Variants in ABCC4 observed in about 807,000 individuals in gnomAD.
The protein encoded by ABCC4 is ATP-binding cassette sub-family C member 4.
A neutral mutation model predicts 168.5 loss-of-function variants in ABCC4; 102 were observed. The ratio of observed to expected loss-of-function variants is 0.61; its 90% confidence interval spans 0.52 to 0.71. The LOEUF (loss-of-function observed/expected upper bound fraction) is 0.71, where lower values mean the gene tolerates loss of function less well. Ranked by LOEUF, ABCC4 falls within the 30% of genes least tolerant of loss-of-function variation. The pLI, the probability that ABCC4 is intolerant of heterozygous loss-of-function variation, is 0.00. For synonymous variants in ABCC4, 617 were observed against 590.7 expected (o/e 1.04, Z -0.65); for missense variants, 1,402 against 1,605.8 (o/e 0.87, Z 2.17).
At chr13:95,135,208 G>A (rs1030151377) in intron 19 of ABCC4, among the ~76,000 whole-genome samples, 4 of 152,118 alleles carry the variant, frequency 2.6e-5, no homozygotes, top group African/African-American at 9.7e-5. Context: ...GCACGAGCTT[G>A]AGAATCCCAC....
intron 25 of ABCC4, among the ~76,000 whole-genome samples, chr13:95,065,489 C>T (rs765303616): frequency 6.6e-6 from 1 of 152,008 alleles, no homozygotes. Context: ...ATATTATAAT[C>T]TATTATTTAA....
chr13:95,279,048 C>T (rs1247918397), intron 1 of ABCC4, among the ~76,000 whole-genome samples: 4 of 151,824 alleles, frequency 2.6e-5, no homozygotes, highest in African/African-American at 9.7e-5. Flanking sequence ...AGAACACAAA[C>T]CCTTTTCCCT....
At chr13:95,148,077 T>C (rs189125430) in intron 19 of ABCC4, among the ~76,000 whole-genome samples, 37 of 152,300 alleles carry the variant, frequency 2.4e-4, no homozygotes, top group East Asian at 5.8e-4. Context: ...CAGACTCCTA[T>C]TGTTTCATCA....
At chr13:95,064,936 C>G (rs140791423) in intron 25 of ABCC4, among the ~76,000 whole-genome samples, 462 of 152,256 alleles carry the variant, frequency 3.0e-3, no homozygotes, top group African/African-American at 0.011. Flanking sequence ...ACGAAAGAGA[C>G]ACTTAGTTTT....
rs55998383 is a variant in ABCC4 at position 95,148,591 on chromosome 13, A to AACACACACACAC, written c.2455+12586_2455+12597dup. On this transcript the variant is annotated intron_variant, in intron 19 of 30. Coordinates refer to ENST00000645237, the MANE Select transcript of ABCC4 (RefSeq NM_005845.5). ...TCTCTCCCTCTCCCCTACCCATCAC[A>AACACACACACAC]ACACACACACACACACACACACACA... Among the ~76,000 whole-genome samples, 205 of 129,786 alleles carry AACACACACACAC rather than the reference A, an allele frequency of 1.6e-3. 1 individual carries two copies. The highest frequency in any genetic ancestry group is 2.5e-3 in the Non-Finnish European group (154 of 60,520). The allele number at this position is 129,786 out of a possible 152,430, so 85.1% of individuals were successfully genotyped here.
At chr13:95,275,431 T>G (rs1026204314) in intron 1 of ABCC4, among the ~76,000 whole-genome samples, 2 of 152,216 alleles carry the variant, frequency 1.3e-5, no homozygotes, top group African/African-American at 4.8e-5. Flanking sequence ...GCTTAAGCTC[T>G]GTAAACAAAA....
chr13:95,258,338 T>C (rs539245627), intron 1 of ABCC4, among the ~76,000 whole-genome samples: 1 of 152,296 alleles, frequency 6.6e-6, no homozygotes, highest in East Asian at 1.9e-4. Flanking sequence ...GCCTGATGTG[T>C]TTCTGACAGT....
intron 25 of ABCC4, among the ~76,000 whole-genome samples, chr13:95,066,947 G>T (rs1233717961): frequency 6.6e-6 from 1 of 152,226 alleles, no homozygotes; most frequent in Non-Finnish European, 1.5e-5. Context: ...ACAAGAAGCT[G>T]ACTACTGTGA....
chr13:95,229,098 G>T lies in ABCC4; in HGVS notation c.531+5512C>A, dbSNP rs372251134. On this transcript the variant is annotated intron_variant, in intron 4 of 30. Transcript: ENST00000645237. ...AATATGCATTTCCCCCCAAGTTACAGAATTCTAAAAAGAGAACCACACAGT... is the reference window on the plus strand; with the variant it reads ...AATATGCATTTCCCCCCAAGTTACATAATTCTAAAAAGAGAACCACACAGT... Among the ~76,000 whole-genome samples, 18 of 152,054 alleles carry T rather than the reference G, an allele frequency of 1.2e-4. No homozygotes were observed. In the East Asian group the frequency reaches 2.9e-3, roughly 25 times the overall value.
At chr13:95,058,262 C>T (rs1196902736) in intron 26 of ABCC4, among the ~76,000 whole-genome samples, 3 of 152,058 alleles carry the variant, frequency 2.0e-5, no homozygotes, top group Non-Finnish European at 4.4e-5. Context: ...TGTATATTTG[C>T]TCTCTTTGGT....
chr13:95,099,265 T>C (rs1049690833), intron 20 of ABCC4, among the ~76,000 whole-genome samples: 2 of 152,194 alleles, frequency 1.3e-5, no homozygotes, highest in South Asian at 2.1e-4. Flanking sequence ...AGAAAAATTA[T>C]TGGTTCCATT....
At chr13:95,178,119 A>C (rs777578836) in intron 11 of ABCC4, 28 bp from the exon 12 acceptor site, 2 of 1,579,914 alleles carry the variant, frequency 1.3e-6, no homozygotes, top group South Asian at 2.2e-5. Context: ...AGAAGGGGGG[A>C]AAAAGAGACT....
chr13:95,063,048 GC>G (rs2033363233), intron 25 of ABCC4, among the ~76,000 whole-genome samples, 189 bp from the exon 26 acceptor site: 1 of 152,126 alleles, frequency 6.6e-6, no homozygotes, highest in African/African-American at 2.4e-5. Context: ...TTTGGAAGCT[GC>G]CCCAGGCATT....
chr13:95,044,204 CAT>C, intron 28 of ABCC4, 60 bp downstream of exon 28: 1 of 1,413,018 alleles, frequency 7.1e-7, no homozygotes, highest in South Asian at 1.5e-5. Context: ...AGAATCATTC[CAT>C]GTTTCCCATT....
intron 1 of ABCC4, among the ~76,000 whole-genome samples, chr13:95,274,840 G>A (rs1240765295): frequency 6.6e-6 from 1 of 152,176 alleles, no homozygotes; most frequent in Non-Finnish European, 1.5e-5. Flanking sequence ...ACTTTGGGAG[G>A]CCGAGGCAGG....
At chr13:95,178,127 A>T (rs781004316) in intron 11 of ABCC4, 36 bp from the exon 12 acceptor site, 4 of 1,565,414 alleles carry the variant, frequency 2.6e-6, no homozygotes, top group East Asian at 4.5e-5. Flanking sequence ...GGAAAAAGAG[A>T]CTTAAAACAT....
Position 95,286,123 on chromosome 13 carries a change from C to CT in ABCC4, c.74+15117dup, listed in dbSNP as rs773328777. Among the ~76,000 whole-genome samples the CT allele has an allele frequency of 7.6e-4, 80 of 105,536 alleles. 4 individuals are homozygous for CT. Among genetic ancestry groups the CT allele is most frequent in the East Asian group, 1.6e-3 (5 of 3,052 alleles). 69.2% of individuals were successfully genotyped at this position (105,536 alleles called of 152,430 possible). A position where few individuals can be genotyped will look rare whatever the true frequency, so the allele number is the denominator to read the frequency against. On this transcript the variant is annotated intron_variant, in intron 1 of 30. Coordinates refer to ENST00000645237, the MANE Select transcript of ABCC4 (RefSeq NM_005845.5). ...GCTGTGAAACTGCTTTCCAGAAAAA[C>CT]TTTTTTTTTTTTTTGAGACGGAGTC...
At chr13:95,126,493 A>AC (rs2139438005) in intron 19 of ABCC4, among the ~76,000 whole-genome samples, 1 of 152,088 alleles carries the variant, frequency 6.6e-6, no homozygotes, top group South Asian at 2.1e-4. Flanking sequence ...TAGGACAGCA[A>AC]AACATTCAGT....
chr13:95,188,912 T>C (rs555142616), intron 9 of ABCC4, among the ~76,000 whole-genome samples: 2 of 152,250 alleles, frequency 1.3e-5, no homozygotes, highest in South Asian at 2.1e-4. Context: ...AGTTCTAGGA[T>C]ACATGCGCAG....
Sources: allele counts gnomAD v4.1 joint callset (sites outside exome capture counted in the v4.1 genomes callset), GRCh38; gene constraint gnomAD v4.1.1; transcripts MANE v1.5; gene names NCBI Gene and HGNC (gene_info 2026-07-23, HGNC 2026-07-21).